Variants in LPP observed in about 807,000 individuals in gnomAD.
LPP encodes the protein lipoma-preferred partner.
Under a neutral mutation model 60.4 loss-of-function variants are expected in LPP, and 38 were observed. The ratio of observed to expected loss-of-function variants is 0.63; its 90% CI spans 0.49 to 0.83. The LOEUF is 0.83. Ranked by LOEUF, LPP falls within the 40% of genes least tolerant of loss-of-function variation. The probability of loss-of-function intolerance (pLI) is 0.00; values close to 1 mark genes in which losing one functional copy is unlikely to be tolerated. For missense variants in LPP, 902 were observed against 783.6 expected, an observed-to-expected ratio of 1.15 and a Z score of -1.80; for synonymous variants, 328 against 290.8, an observed-to-expected ratio of 1.13 and a Z score of -1.30.
At chr3:188,663,869 A>G (rs924963220) in intron 7 of LPP, among the ~76,000 whole-genome samples, 3 of 152,106 alleles carry the variant, frequency 2.0e-5, no homozygotes, top group Non-Finnish European at 4.4e-5. Context: ...AGTTCACAAT[A>G]AGGTTCGCAC....
chr3:188,810,031 T>C (rs1750430337), intron 9 of LPP, among the ~76,000 whole-genome samples: 1 of 152,148 alleles, frequency 6.6e-6, no homozygotes, highest in Non-Finnish European at 1.5e-5. Context: ...CTCTGTTCCA[T>C]TGGTCTATCA....
intron 6 of LPP, among the ~76,000 whole-genome samples, chr3:188,590,619 C>T (rs906189863): frequency 1.3e-5 from 2 of 152,112 alleles, no homozygotes; most frequent in African/African-American, 4.8e-5. Context: ...TCACTTCACC[C>T]TTTATTATAG....
chr3:188,529,884 T>C (rs1821669492), intron 6 of LPP, among the ~76,000 whole-genome samples: 1 of 152,200 alleles, frequency 6.6e-6, no homozygotes, highest in Non-Finnish European at 1.5e-5. Flanking sequence ...GCTACTTAAA[T>C]TGTCACGTAA....
chr3:188,282,174 T>G (rs1338564275), intron 2 of LPP, among the ~76,000 whole-genome samples: 1 of 152,058 alleles, frequency 6.6e-6, no homozygotes, highest in African/African-American at 2.4e-5. Flanking sequence ...TTTATTATAT[T>G]TTTAGTCTCT....
At chr3:188,722,957 TTTG>T (rs1467658756) in intron 8 of LPP, among the ~76,000 whole-genome samples, 1 of 152,216 alleles carries the variant, frequency 6.6e-6, no homozygotes, top group Admixed American at 6.5e-5. Context: ...GAATTAACAC[TTTG>T]TATTTTCTTA....
intron 3 of LPP, among the ~76,000 whole-genome samples, chr3:188,371,641 A>ATATATT (rs1553878071): frequency 3.7e-4 from 12 of 32,176 alleles, no homozygotes; most frequent in Admixed American, 6.4e-4. Flanking sequence ...ATATATATAT[A>ATATATT]TTTTTTTTTT....
chr3:188,504,661 G>A (rs1488575811), intron 5 of LPP, among the ~76,000 whole-genome samples: 1 of 151,858 alleles, frequency 6.6e-6, no homozygotes, highest in African/African-American at 2.4e-5. Context: ...GTTAACTTGT[G>A]GTCTTAAGTA....
intron 7 of LPP, among the ~76,000 whole-genome samples, chr3:188,623,953 G>A (rs888216918): frequency 3.9e-5 from 6 of 152,122 alleles, no homozygotes; most frequent in Non-Finnish European, 5.9e-5. Flanking sequence ...CCGGCAAGGC[G>A]AGGGGTGTAT....
intron 3 of LPP, among the ~76,000 whole-genome samples, chr3:188,394,414 TCA>T (rs1295010065): frequency 6.6e-6 from 1 of 152,174 alleles, no homozygotes. Flanking sequence ...ACAAATGAAC[TCA>T]CAGATGGTGG....
At chr3:188,241,783 A>T (rs1724967321) in intron 2 of LPP, among the ~76,000 whole-genome samples, 1 of 152,206 alleles carries the variant, frequency 6.6e-6, no homozygotes, top group Admixed American at 6.5e-5. Context: ...AGAATTGAAA[A>T]TTTAACTTGT....
At chr3:188,183,712 C>T (rs1179606203) in intron 1 of LPP, among the ~76,000 whole-genome samples, 6 of 145,154 alleles carry the variant, frequency 4.1e-5, no homozygotes, top group Admixed American at 7.0e-5. Flanking sequence ...AATCATTTCC[C>T]GTAATCCTGT....
At chr3:188,840,541 C>T (rs940769917) in intron 9 of LPP, among the ~76,000 whole-genome samples, 4 of 152,140 alleles carry the variant, frequency 2.6e-5, no homozygotes, top group African/African-American at 4.8e-5. Flanking sequence ...CTCTCTTTCC[C>T]GGGCTGGAGT....
At chr3:188,746,461 T>C (rs1357456084) in intron 8 of LPP, 1 of 379,304 alleles carries the variant, frequency 2.6e-6, no homozygotes, top group African/African-American at 4.5e-5. Context: ...GTATTTGTTG[T>C]AACTATCTCT....
chr3:188,800,482 T>C (rs1009109527), intron 9 of LPP, among the ~76,000 whole-genome samples: 5 of 152,054 alleles, frequency 3.3e-5, no homozygotes, highest in Non-Finnish European at 5.9e-5. Flanking sequence ...CCTGACCTCG[T>C]GATCCGCCCA....
At chr3:188,268,522 T>A (rs541821950) in intron 2 of LPP, among the ~76,000 whole-genome samples, 2 of 152,376 alleles carry the variant, frequency 1.3e-5, no homozygotes, top group Non-Finnish European at 2.9e-5. Flanking sequence ...GCTTGGTGTT[T>A]TCCTTATTTG....
chr3:188,642,727 G>A (rs1850398880), intron 7 of LPP, among the ~76,000 whole-genome samples: 1 of 151,990 alleles, frequency 6.6e-6, no homozygotes, highest in African/African-American at 2.4e-5. Flanking sequence ...ACCTGAGGTC[G>A]GGAGTTTGAG....
intron 2 of LPP, chr3:188,240,126 A>T (rs1461659909): frequency 5.2e-6 from 1 of 191,796 alleles, no homozygotes; most frequent in East Asian, 8.2e-5. Flanking sequence ...GGGATGATGG[A>T]GAGACTGCTG....
At position 188,572,850 on chromosome 3, in the gene LPP, T is replaced by C. The variant is rs556770584; in HGVS notation, c.430-36311T>C. 6.6e-6 allele frequency among the ~76,000 whole-genome samples: 1 copy of C among 152,242 alleles called. No individual in the cohort carries two copies. Among genetic ancestry groups the C allele is most frequent in the African/African-American group, 2.4e-5 (1 of 41,564 alleles). ...GAAGGAGTTCTTTGCAGACTAATAGTTGTCATTTCCAACACTTTTGACCTC... is the reference window on the plus strand; with the variant it reads ...GAAGGAGTTCTTTGCAGACTAATAGCTGTCATTTCCAACACTTTTGACCTC... On this transcript the variant is annotated intron_variant, in intron 6 of 11. Transcript: ENST00000617246. The surrounding 1 kb of genome is among the most constrained non-coding windows in gnomAD (Gnocchi z 4.1).
Position 188,888,579 on chromosome 3 carries a change from T to C in LPP, c.*14100T>C. On this transcript the variant is annotated 3_prime_UTR_variant, in exon 12 of 12. Transcript: ENST00000617246. ...GCAAAGTGAGAAGATGAGCACTAAA[T>C]ATAGGCTCTATTAACTTTACTTTTA... The C allele has an allele frequency of 4.4e-6, 1 of 225,412 alleles. No individual in the cohort carries two copies. The highest frequency in any genetic ancestry group is 6.4e-5 in the East Asian group (1 of 15,638). The allele number at this position is 225,412 out of a possible 1,614,324, so 14.0% of individuals were successfully genotyped here.
Sources: gnomAD v4.1 joint callset for allele counts (sites outside exome capture counted in the v4.1 genomes callset) on GRCh38, gnomAD v4.1.1 for gene constraint, Gnocchi (gnomAD v3.1) non-coding constraint, MANE v1.5 for transcripts, NCBI Gene and HGNC (gene_info 2026-07-23, HGNC 2026-07-21) for gene names.